ATXN10: variants seen among roughly 807,000 people sequenced by gnomAD.
The protein encoded by ATXN10 is ataxin-10.
ATXN10 carries 28 observed loss-of-function variants against 52.9 expected under a neutral mutation model. The observed-to-expected ratio is 0.53, with a 90% confidence interval of 0.39 to 0.73. The LOEUF is 0.73. Ranked by LOEUF, ATXN10 falls within the 30% of genes least tolerant of loss-of-function variation. The pLI is 0.00. For synonymous variants in ATXN10, 226 were observed against 221.5 expected (o/e 1.02, Z -0.18); for missense variants, 565 against 577.0 (o/e 0.98, Z 0.21).
rs1928813815 is a variant in ATXN10, at chr22:45,826,330, C to T, written c.1238-16661C>T. Among the ~76,000 whole-genome samples, 1 of 152,110 alleles carries T rather than the reference C, an allele frequency of 6.6e-6. No homozygotes were observed. Among genetic ancestry groups the T allele is most frequent in the Non-Finnish European group, 1.5e-5 (1 of 68,024 alleles). ...TGTGGAACACCATCAAGCCAACCAACATACGCATTGTGGGAAACAAGGAAA... is the reference window on the plus strand; with the variant it reads ...TGTGGAACACCATCAAGCCAACCAATATACGCATTGTGGGAAACAAGGAAA... On this transcript the variant is annotated intron_variant, in intron 10 of 11. Coordinates refer to ENST00000252934, the MANE Select transcript of ATXN10 (RefSeq NM_013236.4). This position sits in a 1 kb window ranked among gnomAD's most constrained non-coding sequence, Gnocchi z 5.0.
Position 45,833,628 on chromosome 22 carries a change from C to T in ATXN10, c.1238-9363C>T, listed in dbSNP as rs994009418. Among the ~76,000 whole-genome samples the T allele has an allele frequency of 6.6e-6, 1 of 152,154 alleles. No individual in the cohort carries two copies. The highest frequency in any genetic ancestry group is 2.4e-5 in the African/African-American group (1 of 41,432). On this transcript the variant is annotated intron_variant, in intron 10 of 11. Transcript: ENST00000252934. This position sits in a 1 kb window ranked among gnomAD's most constrained non-coding sequence, Gnocchi z 4.3. ...TGAATTGTTAGCTTATTAGCTAGTT[C>T]TAAAGGTATTTTGCAGAGATAGTTA...
chr22:45,803,154 C>T (rs1237031625), intron 9 of ATXN10, among the ~76,000 whole-genome samples: 1 of 152,154 alleles, frequency 6.6e-6, no homozygotes, highest in African/African-American at 2.4e-5. Flanking sequence ...CACTATCATC[C>T]CCATTTTACA....
chr22:45,802,713 C>T (rs971571793), intron 9 of ATXN10, among the ~76,000 whole-genome samples: 1 of 152,188 alleles, frequency 6.6e-6, no homozygotes, highest in Non-Finnish European at 1.5e-5. Context: ...TTTTTAAGAA[C>T]TCTTTAGTTC....
At chr22:45,711,102 G>C (rs1924229470) in intron 5 of ATXN10, among the ~76,000 whole-genome samples, 1 of 152,012 alleles carries the variant, frequency 6.6e-6, no homozygotes, top group Admixed American at 6.5e-5. Context: ...CTTAAAAATG[G>C]GGACATTATA....
intron 6 of ATXN10, among the ~76,000 whole-genome samples, chr22:45,720,419 C>T (rs562105434): frequency 6.6e-6 from 1 of 152,014 alleles, no homozygotes; most frequent in East Asian, 1.9e-4. Flanking sequence ...GCACTACAGC[C>T]CCAAGCTCCT....
chr22:45,761,481 A>G (rs939714579), intron 9 of ATXN10, among the ~76,000 whole-genome samples: 3 of 152,240 alleles, frequency 2.0e-5, no homozygotes, highest in Admixed American at 2.0e-4. Flanking sequence ...CTAAGCACTT[A>G]TGTAATACTG....
At chr22:45,830,772 G>A (rs769216720) in intron 10 of ATXN10, among the ~76,000 whole-genome samples, 20 of 151,924 alleles carry the variant, frequency 1.3e-4, no homozygotes, top group Non-Finnish European at 2.6e-4. Context: ...AATGTAAAAT[G>A]GTGCAGCCAT....
intron 3 of ATXN10, among the ~76,000 whole-genome samples, chr22:45,694,958 A>C (rs532168520): frequency 0.035 from 5,221 of 149,764 alleles, 182 homozygotes; most frequent in Non-Finnish European, 0.039. Context: ...AAAAAAAAAA[A>C]AAAAAAAACA....
Position 45,843,790 on chromosome 22 carries a change from A to G in ATXN10, c.*119A>G. On this transcript the variant is annotated 3_prime_UTR_variant, in exon 12 of 12. Coordinates refer to ENST00000252934, the MANE Select transcript of ATXN10 (RefSeq NM_013236.4). This position sits in a 1 kb window ranked among gnomAD's most constrained non-coding sequence, Gnocchi z 4.5. ...TAAGTACAAATTTGGGAACATACAA[A>G]TCTTTTAGGTAGTAGAGTTTAACGT... 1 of 972,012 alleles carries G rather than the reference A, an allele frequency of 1.0e-6. No homozygotes were observed. Among genetic ancestry groups the G allele is most frequent in the Non-Finnish European group, 1.6e-6 (1 of 622,656 alleles). 60.2% of individuals were successfully genotyped at this position (972,012 alleles called of 1,614,324 possible).
In ATXN10 at chr22:45,766,569, A is replaced by G. The variant is rs1448155423; in HGVS notation, c.1173+26031A>G. Among the ~76,000 whole-genome samples, 1 of 152,206 alleles carries G rather than the reference A, an allele frequency of 6.6e-6. No individual in the cohort carries two copies. The highest frequency in any genetic ancestry group is 2.4e-5 in the African/African-American group (1 of 41,460). On this transcript the variant is annotated intron_variant, in intron 9 of 11. Transcript: ENST00000252934. The surrounding 1 kb of genome is among the most constrained non-coding windows in gnomAD (Gnocchi z 4.6). ...AATAAACTGTAAATGGCACAGGTGT[A>G]AATGTAACAGCACCTGAACCCATGC...
intron 5 of ATXN10, among the ~76,000 whole-genome samples, chr22:45,711,163 A>T (rs1924231958): frequency 6.6e-6 from 1 of 152,162 alleles, no homozygotes; most frequent in Admixed American, 6.5e-5. Context: ...AAATAGAATC[A>T]AACTAAAATA....
At position 45,677,818 on chromosome 22, in the gene ATXN10, T is replaced by C. The variant is rs1283662771; in HGVS notation, c.116+5639T>C. 1 of 152,170 alleles carries C rather than the reference T, an allele frequency of 6.6e-6. No homozygotes were observed. The highest frequency in any genetic ancestry group is 1.5e-5 in the Non-Finnish European group (1 of 68,028). 9.4% of individuals were successfully genotyped at this position (152,170 alleles called of 1,614,324 possible). A position where few individuals can be genotyped will look rare whatever the true frequency, so the allele number is the denominator to read the frequency against. On this transcript the variant is annotated intron_variant, in intron 1 of 11. Transcript: ENST00000252934. This position sits in a 1 kb window ranked among gnomAD's most constrained non-coding sequence, Gnocchi z 4.1. ...TCCAAAAAATGGAAAAGAACAAGTATCGTTGAGGATGTGGGGAAATGGGAA... is the reference window on the plus strand; with the variant it reads ...TCCAAAAAATGGAAAAGAACAAGTACCGTTGAGGATGTGGGGAAATGGGAA...
At chr22:45,699,822 T>A (rs1181294173) in intron 3 of ATXN10, among the ~76,000 whole-genome samples, 1 of 150,478 alleles carries the variant, frequency 6.6e-6, no homozygotes, top group Non-Finnish European at 1.5e-5. Context: ...GTATGTAGAG[T>A]ATATTGTTTT....
At chr22:45,793,589 C>A (rs1927595272) in intron 9 of ATXN10, 1 of 1,314,030 alleles carries the variant, frequency 7.6e-7, no homozygotes, top group South Asian at 3.1e-5. Context: ...CTGGAGCCTG[C>A]ACCTTCATTT....
At chr22:45,748,194 G>A (rs1016407192) in intron 9 of ATXN10, among the ~76,000 whole-genome samples, 3 of 150,834 alleles carry the variant, frequency 2.0e-5, no homozygotes, top group Non-Finnish European at 4.4e-5. Flanking sequence ...AAAAAAAAAA[G>A]TATATAATGG....
chr22:45,765,410 T>C (rs1363880245), intron 9 of ATXN10, among the ~76,000 whole-genome samples: 1 of 152,182 alleles, frequency 6.6e-6, no homozygotes, highest in Non-Finnish European at 1.5e-5. Context: ...GGCATTAAAA[T>C]GCTGCCCAAA....
At chr22:45,830,704 A>C (rs1435240698) in intron 10 of ATXN10, among the ~76,000 whole-genome samples, 1 of 152,172 alleles carries the variant, frequency 6.6e-6, no homozygotes, top group Non-Finnish European at 1.5e-5. Context: ...GAAAAAAAAA[A>C]AAAACAAGTC....
chr22:45,689,552 A>G (rs531393384), intron 1 of ATXN10, 160 bp from the exon 2 acceptor site: 10 of 653,204 alleles, frequency 1.5e-5, no homozygotes, highest in South Asian at 1.1e-4. Flanking sequence ...TAAGTGCTCA[A>G]TATGTGTAGA....
At chr22:45,716,325 CTTT>C (rs1157868947) in intron 5 of ATXN10, among the ~76,000 whole-genome samples, 5 of 133,256 alleles carry the variant, frequency 3.8e-5, no homozygotes, top group Non-Finnish European at 3.2e-5. Flanking sequence ...TGAGTGCTTC[CTTT>C]TTTTTTTTTT....
Sources: allele counts gnomAD v4.1 joint callset (sites outside exome capture counted in the v4.1 genomes callset), GRCh38; gene constraint gnomAD v4.1.1; non-coding constraint Gnocchi (gnomAD v3.1); transcripts MANE v1.5; gene names NCBI Gene and HGNC (gene_info 2026-07-23, HGNC 2026-07-21).